The following DNAAF1 variants were observed in gnomAD, a reference collection of about 807,000 sequenced individuals.
DNAAF1 encodes dynein assembly factor 1, axonemal.
In DNAAF1, 65 loss-of-function variants were observed where a neutral mutation model predicts 71.1. That is an observed-to-expected ratio of 0.91 (90% CI 0.75 to 1.12). DNAAF1 has a LOEUF of 1.12. Ranked by LOEUF, DNAAF1 falls within the 50% of genes most tolerant of loss-of-function variation. The pLI is 0.00. For missense variants in DNAAF1, 1,178 were observed against 899.8 expected, an observed-to-expected ratio of 1.31 and a Z score of -3.96; for synonymous variants, 414 against 354.6, an observed-to-expected ratio of 1.17 and a Z score of -1.88.
At chr16:84,155,133 C>T (rs2087362277) in intron 4 of DNAAF1, among the ~76,000 whole-genome samples, 1 of 152,216 alleles carries the variant, frequency 6.6e-6, no homozygotes, top group Non-Finnish European at 1.5e-5. Context: ...TGGTCTCGAT[C>T]TCCTGACCTC....
intron 5 of DNAAF1, among the ~76,000 whole-genome samples, chr16:84,156,818 T>C (rs1314173629): frequency 2.6e-5 from 4 of 151,720 alleles, no homozygotes; most frequent in Non-Finnish European, 4.4e-5. Context: ...TCTTTTCTTT[T>C]CTTTTCTTTC....
chr16:84,149,811 C>A (rs149893157), intron 2 of DNAAF1, among the ~76,000 whole-genome samples: 7 of 151,258 alleles, frequency 4.6e-5, no homozygotes, highest in Non-Finnish European at 1.0e-4. Flanking sequence ...GATCACCTGA[C>A]GTCAGGAGTT....
intron 3 of DNAAF1, among the ~76,000 whole-genome samples, chr16:84,151,846 A>G (rs1168909977): frequency 6.6e-6 from 1 of 152,178 alleles, no homozygotes; most frequent in Non-Finnish European, 1.5e-5. Flanking sequence ...ATTTCTCACC[A>G]CATGAGCCTC....
chr16:84,153,329 C>T (rs567371270), intron 3 of DNAAF1, among the ~76,000 whole-genome samples: 5 of 152,254 alleles, frequency 3.3e-5, no homozygotes, highest in African/African-American at 7.2e-5. Context: ...ATGCAGCAAA[C>T]CACATGGCAC....
At position 84,150,302 on chromosome 16, in the gene DNAAF1, T is replaced by G. The variant is rs372390124; in HGVS notation, c.312T>G (p.Ile104Met). Residue 104 changes from isoleucine to methionine, a missense_variant, in exon 3 of 12, where the codon ATT becomes ATG. Transcript: ENST00000378553. The part of the protein sequence containing the change: ...QKLCKQHKLY[I>M]TPALNDTLYL... ...TCTGCAAGCAGCACAAGCTTTATAT[T>G]ACCCCAGCATTGAATGATACGCTGT... 3.7e-5 allele frequency: 60 copies of G among 1,614,020 alleles called. No individual in the cohort carries two copies. The South Asian group carries it at 6.5e-4, about 17-fold the overall frequency.
At chr16:84,152,818 G>T (rs1002243162) in intron 3 of DNAAF1, among the ~76,000 whole-genome samples, 1 of 152,024 alleles carries the variant, frequency 6.6e-6, no homozygotes, top group Non-Finnish European at 1.5e-5. Flanking sequence ...GCCAGGTGTG[G>T]TGATGGCGGG....
chr16:84,150,902 C>A (rs2087152784), intron 3 of DNAAF1, among the ~76,000 whole-genome samples: 1 of 152,208 alleles, frequency 6.6e-6, no homozygotes, highest in African/African-American at 2.4e-5. Flanking sequence ...GTGTGAGCCA[C>A]TGCACCCAGC....
At chr16:84,176,372 G>A in intron 11 of DNAAF1, 73 bp downstream of exon 11, 1 of 1,604,854 alleles carries the variant, frequency 6.2e-7, no homozygotes, top group Non-Finnish European at 8.5e-7. Context: ...GGGCAGGGCA[G>A]TCACTCAGCC....
Position 84,171,589 on chromosome 16 carries a change from C to T in DNAAF1, c.1529-671C>T, listed in dbSNP as rs575917943. On this transcript the variant is annotated intron_variant, in intron 8 of 11. Transcript: ENST00000378553. The stretch of plus-strand genomic sequence containing the variant: ...TCTGACCCTGGTGCAGCAGGAGGGG[C>T]GTGTGCCTGGCTGAGGGACAGGCTG... Among the ~76,000 whole-genome samples the T allele has an allele frequency of 3.0e-4, 45 of 152,324 alleles. 1 individual carries two copies. The highest frequency in any genetic ancestry group is 8.9e-4 in the African/African-American group (37 of 41,584).
At chr16:84,167,386 G>A (rs2088074903) in intron 7 of DNAAF1, among the ~76,000 whole-genome samples, 1 of 152,086 alleles carries the variant, frequency 6.6e-6, no homozygotes, top group Non-Finnish European at 1.5e-5. Flanking sequence ...CAGCACGTGG[G>A]CATGATGGAT....
intron 11 of DNAAF1, 162 bp from the exon 12 acceptor site, chr16:84,177,567 G>A (rs2088790235): frequency 3.0e-6 from 2 of 666,346 alleles, no homozygotes; most frequent in East Asian, 2.9e-5. Context: ...GACCTCAGGT[G>A]ATCTGTTTGC....
intron 5 of DNAAF1, among the ~76,000 whole-genome samples, chr16:84,156,661 A>T (rs895577459): frequency 2.0e-5 from 3 of 152,198 alleles, no homozygotes; most frequent in African/African-American, 7.2e-5. Context: ...ACACAATGAC[A>T]ACTTTCCAGT....
intron 9 of DNAAF1, chr16:84,172,799 G>A (rs2088437449): frequency 1.5e-5 from 16 of 1,067,354 alleles, no homozygotes; most frequent in Non-Finnish European, 1.7e-5. Context: ...CCCCCTCCGT[G>A]GACACCGCCC....
rs563875990 is a variant in DNAAF1, at chr16:84,177,617, C to T, written c.2066-112C>T. 7 of 887,878 alleles carry T rather than the reference C, an allele frequency of 7.9e-6. No individual in the cohort carries two copies. In the South Asian group the frequency reaches 9.1e-5, roughly 12 times the overall value. The allele number at this position is 887,878 out of a possible 1,614,324, so 55.0% of individuals were successfully genotyped here. On this transcript the variant is annotated intron_variant, in intron 11 of 11. Transcript: ENST00000378553. ...GTGCTGGGATTACAGGTATGAGCCACCACGCCCAGTTGAGGACACTGAATT... is the reference window on the plus strand; with the variant it reads ...GTGCTGGGATTACAGGTATGAGCCATCACGCCCAGTTGAGGACACTGAATT...
rs116365970 is a variant in DNAAF1 at position 84,159,082 on chromosome 16, A to G, written c.742-593A>G. 3,609 of 991,528 alleles carry G rather than the reference A, an allele frequency of 3.6e-3. 109 individuals carry two copies. The African/African-American group carries it at 0.059, about 16-fold the overall frequency. The allele number at this position is 991,528 out of a possible 1,614,324, so 61.4% of individuals were successfully genotyped here. A position where few individuals can be genotyped will look rare whatever the true frequency, so the allele number is the denominator to read the frequency against. ...TTCTTAAGGCAGTAGAGGAAGAGAC[A>G]GTATTTAAAGATGGGGGAGGATGGC... On this transcript the variant is annotated intron_variant, in intron 5 of 11. Transcript: ENST00000378553.
chr16:84,173,028 G>A, intron 9 of DNAAF1: 19 of 990,352 alleles, frequency 1.9e-5, no homozygotes, highest in Non-Finnish European at 2.3e-5. Context: ...TCCTTTGATG[G>A]GGCACGAATA....
rs1213844857 is a variant in DNAAF1 at position 84,176,119 on chromosome 16, G to C, written c.1885G>C (p.Ala629Pro). The C allele has an allele frequency of 6.2e-7, 1 of 1,613,942 alleles. No individual in the cohort carries two copies. Among genetic ancestry groups the C allele is most frequent in the Non-Finnish European group, 8.5e-7 (1 of 1,179,940 alleles). ...VPFTDIFKKE[A>P]KRDLEIRKQD... ...CTTCACAGACATCTTTAAAAAAGAAGCTAAGAGGGACTTGGAAATCCGAAA... is the reference window on the plus strand; with the variant it reads ...CTTCACAGACATCTTTAAAAAAGAACCTAAGAGGGACTTGGAAATCCGAAA... Residue 629 changes from alanine to proline, a missense_variant, in exon 11 of 12, where the codon GCT becomes CCT. By Grantham distance (27) the Ala-to-Pro change is conservative. Coordinates refer to ENST00000378553, the MANE Select transcript of DNAAF1 (RefSeq NM_178452.6).
At chr16:84,175,865 A>G (rs2151280835) in intron 10 of DNAAF1, 68 bp from the exon 11 acceptor site, 1 of 1,569,902 alleles carries the variant, frequency 6.4e-7, no homozygotes, top group Non-Finnish European at 8.7e-7. Context: ...CAGAACTGGC[A>G]TGGTGCATTG....
rs2088238119 is a variant in DNAAF1, at chr16:84,169,999, C to A, written c.1171C>A (p.Pro391Thr). ...CTTTGAGGCCAAGGACGAGCTCTGC[C>A]CGGAAAAGCCAAGTGGAGAGGAGCC... ...ESFEAKDELCPEKPSGEEPPV... is the reference protein window; with the variant it reads ...ESFEAKDELCTEKPSGEEPPV... The change falls in exon 8 of 12, where the codon CCG (proline) becomes ACG (threonine). Residue 391 changes from proline to threonine, a missense_variant. Physicochemically the swap from Pro to Thr is conservative, Grantham distance 38. Coordinates refer to ENST00000378553, the MANE Select transcript of DNAAF1 (RefSeq NM_178452.6). The A allele has an allele frequency of 4.3e-6, 7 of 1,613,768 alleles. No individual in the cohort carries two copies. In the East Asian group the frequency reaches 1.3e-4, roughly 31 times the overall value.
Sources: gnomAD v4.1 joint callset for allele counts (sites outside exome capture counted in the v4.1 genomes callset) on GRCh38, gnomAD v4.1.1 for gene constraint, MANE v1.5 for transcripts, NCBI Gene and HGNC (gene_info 2026-07-23, HGNC 2026-07-21) for gene names.